The following ANKS1B variants were observed in gnomAD, a reference collection of about 807,000 sequenced individuals.
ANKS1B encodes ankyrin repeat and sterile alpha motif domain-containing protein 1B.
Under a neutral mutation model 148.3 loss-of-function variants are expected in ANKS1B, and 36 were observed. That is an observed-to-expected ratio of 0.24 (90% CI 0.19 to 0.32). ANKS1B has a LOEUF of 0.32. ANKS1B is among the 10% of genes least tolerant of loss of function. The pLI, the probability that ANKS1B is intolerant of heterozygous loss-of-function variation, is 1.00. For missense variants in ANKS1B, 1,157 were observed against 1,542.6 expected, an observed-to-expected ratio of 0.75 and a Z score of 4.19; for synonymous variants, 542 against 560.8, an observed-to-expected ratio of 0.97 and a Z score of 0.47.
chr12:99,380,087 G>C (rs1364680213), intron 12 of ANKS1B, among the ~76,000 whole-genome samples: 2 of 152,188 alleles, frequency 1.3e-5, no homozygotes, highest in Non-Finnish European at 2.9e-5. Context: ...GACCTTGTCT[G>C]ATTTAGTTGA....
Position 99,050,858 on chromosome 12 carries a change from A to ATTTTTTTT in ANKS1B, c.2778+2291_2778+2298dup, listed in dbSNP as rs576571213. ...AGGTGCCCGCCACCACGCCCGGCTA[A>ATTTTTTTT]TTTTTTTTTTTTTGTATTTTTCATA... On this transcript the variant is annotated intron_variant, in intron 17 of 26. Coordinates refer to ENST00000683438, the MANE Select transcript of ANKS1B (RefSeq NM_001352186.2). Among the ~76,000 whole-genome samples, 9 of 141,362 alleles carry ATTTTTTTT rather than the reference A, an allele frequency of 6.4e-5. No homozygotes were observed. The South Asian group carries it at 1.6e-3, about 25-fold the overall frequency. 92.7% of individuals were successfully genotyped at this position (141,362 alleles called of 152,430 possible).
intron 14 of ANKS1B, among the ~76,000 whole-genome samples, chr12:99,228,122 C>G (rs1250933374): frequency 1.3e-5 from 2 of 151,530 alleles, no homozygotes; most frequent in Non-Finnish European, 2.9e-5. Flanking sequence ...TGGAAAAGAT[C>G]TAGCCCTACT....
At chr12:99,803,159 G>A (rs1213466953) in intron 4 of ANKS1B, among the ~76,000 whole-genome samples, 1 of 151,640 alleles carries the variant, frequency 6.6e-6, no homozygotes, top group Non-Finnish European at 1.5e-5. Flanking sequence ...TAGCTACATT[G>A]TTCACTCTCA....
intron 21 of ANKS1B, among the ~76,000 whole-genome samples, chr12:98,800,675 G>GAGATATATATATATATATATATATATAT (rs1555338103): frequency 1.0e-5 from 1 of 99,656 alleles, no homozygotes; most frequent in African/African-American, 3.4e-5. Context: ...AGTGAGCAGA[G>GAGATATATATATATATATATATATATAT]ATATATATAT....
At chr12:99,097,573 C>A (rs1425392838) in intron 15 of ANKS1B, 1 of 152,004 alleles carries the variant, frequency 6.6e-6, no homozygotes, top group Non-Finnish European at 1.5e-5. Context: ...TTGATTATAA[C>A]AACCAAAATA....
At chr12:99,133,931 G>T (rs2153767019) in intron 15 of ANKS1B, among the ~76,000 whole-genome samples, 1 of 152,276 alleles carries the variant, frequency 6.6e-6, no homozygotes, top group Admixed American at 6.5e-5. Flanking sequence ...TACCGTGACG[G>T]TTTCCACATG....
intron 12 of ANKS1B, among the ~76,000 whole-genome samples, chr12:99,354,819 T>C (rs2091818636): frequency 6.6e-6 from 1 of 152,032 alleles, no homozygotes; most frequent in African/African-American, 2.4e-5. Context: ...TTATTGACTT[T>C]AAGTTCAGTA....
In ANKS1B at chr12:99,246,835, G is replaced by A; in HGVS notation, c.1786C>T (p.Pro596Ser). Reference sequence around the variant, plus strand: ...TGCCCAGGATCATATTCTTTTGGGGGATCATTGTCATCCTGTCGGGAGAGG... The same window carrying A: ...TGCCCAGGATCATATTCTTTTGGGGAATCATTGTCATCCTGTCGGGAGAGG... The part of the protein sequence containing the change: ...DDLSRQDDND[P>S]PKEYDPGQFA... The change falls in exon 13 of 27, where the codon CCC becomes TCC. Residue 596 changes from proline (P) to serine (S), a missense_variant. Around this residue, in one of 6 missense-constraint regions of ANKS1B, gnomAD observed 661 missense variants for 642.1 expected, o/e 1.03. Coordinates refer to ENST00000683438, the MANE Select transcript of ANKS1B (RefSeq NM_001352186.2). 1.2e-6 allele frequency: 2 copies of A among 1,602,428 alleles called. No individual in the cohort carries two copies. The highest frequency in any genetic ancestry group is 1.7e-6 in the Non-Finnish European group (2 of 1,177,200).
At chr12:98,888,892 T>A (rs996078233) in intron 17 of ANKS1B, among the ~76,000 whole-genome samples, 4 of 152,246 alleles carry the variant, frequency 2.6e-5, no homozygotes, top group African/African-American at 9.7e-5. Flanking sequence ...CCACTAAATA[T>A]CTGCTCTAGA....
downstream of ANKS1B, among the ~76,000 whole-genome samples, chr12:98,742,497 C>A (rs2097807222): frequency 6.6e-6 from 1 of 152,240 alleles, no homozygotes; most frequent in Admixed American, 6.5e-5. Context: ...TTTGCAGAAG[C>A]AACTCTAAGG....
chr12:99,611,211 A>T (rs1348268438), intron 9 of ANKS1B, among the ~76,000 whole-genome samples: 3 of 152,092 alleles, frequency 2.0e-5, no homozygotes, highest in South Asian at 2.1e-4. Flanking sequence ...CTGGTATAAA[A>T]CCCTTATTTT....
At chr12:99,235,645 A>G (rs146181420) in intron 14 of ANKS1B, among the ~76,000 whole-genome samples, 28 of 152,308 alleles carry the variant, frequency 1.8e-4, no homozygotes, top group African/African-American at 4.6e-4. Flanking sequence ...TACATAGTCT[A>G]TCTTGGAGCT....
At chr12:98,878,761 C>G (rs1318206743) in intron 17 of ANKS1B, among the ~76,000 whole-genome samples, 1 of 152,270 alleles carries the variant, frequency 6.6e-6, no homozygotes, top group East Asian at 1.9e-4. Context: ...ATAATTGATA[C>G]AACCGATAAT....
chr12:98,936,281 C>T (rs115954752), intron 17 of ANKS1B, among the ~76,000 whole-genome samples: 2,517 of 152,228 alleles, frequency 0.017, 65 homozygotes, highest in African/African-American at 0.053. Context: ...AAACCCAGGT[C>T]CCCTGACTCC....
At chr12:99,288,990 T>G (rs1308676453) in intron 12 of ANKS1B, among the ~76,000 whole-genome samples, 1 of 151,988 alleles carries the variant, frequency 6.6e-6, no homozygotes, top group African/African-American at 2.4e-5. Context: ...CAAGACCCAT[T>G]GATCCGCTAC....
intron 17 of ANKS1B, among the ~76,000 whole-genome samples, chr12:98,862,456 A>G (rs754558597): frequency 9.9e-5 from 15 of 152,102 alleles, no homozygotes; most frequent in Non-Finnish European, 2.1e-4. Context: ...CAATGTAGCT[A>G]ACAGTTATTA....
chr12:99,225,748 C>A (rs561014256), intron 14 of ANKS1B, among the ~76,000 whole-genome samples: 1 of 152,234 alleles, frequency 6.6e-6, no homozygotes, highest in African/African-American at 2.4e-5. Flanking sequence ...TTGCTAGGGG[C>A]TCTTGGGCCT....
chr12:99,919,909 T>TA (rs1158044294), intron 1 of ANKS1B, among the ~76,000 whole-genome samples: 1 of 152,232 alleles, frequency 6.6e-6, no homozygotes, highest in Non-Finnish European at 1.5e-5. Flanking sequence ...AAAACATTGT[T>TA]AGATTTAACT....
At chr12:99,001,938 G>C (rs576267582) in intron 17 of ANKS1B, among the ~76,000 whole-genome samples, 9 of 152,232 alleles carry the variant, frequency 5.9e-5, no homozygotes, top group Middle Eastern at 6.8e-3. Context: ...CTTTTAGCAT[G>C]ATGTCCTTCA....
Sources: allele counts gnomAD v4.1 joint callset (sites outside exome capture counted in the v4.1 genomes callset), GRCh38; gene constraint gnomAD v4.1.1; regional missense constraint gnomAD v4.1.1; transcripts MANE v1.5; gene names NCBI Gene and HGNC (gene_info 2026-07-23, HGNC 2026-07-21).